DIAPH3: variants seen among roughly 807,000 people sequenced by gnomAD.
The protein encoded by DIAPH3 is diaphanous related formin 3.
DIAPH3 carries 117 observed loss-of-function variants against 144.3 expected under a neutral mutation model. The ratio of observed to expected loss-of-function variants is 0.81; its 90% CI spans 0.70 to 0.95. The LOEUF (loss-of-function observed/expected upper bound fraction) is 0.95, where lower values mean the gene tolerates loss of function less well. DIAPH3 is among the 40% of genes least tolerant of loss of function. The probability of loss-of-function intolerance (pLI) is 0.00; values close to 1 mark genes in which losing one functional copy is unlikely to be tolerated. For synonymous variants in DIAPH3, 519 were observed against 488.9 expected (o/e 1.06, Z -0.81); for missense variants, 1,421 against 1,412.7 (o/e 1.01, Z -0.09).
chr13:59,939,471 C>A (rs2048416478), intron 17 of DIAPH3, among the ~76,000 whole-genome samples: 1 of 152,222 alleles, frequency 6.6e-6, no homozygotes, highest in African/African-American at 2.4e-5. Context: ...AAAGCCAGGG[C>A]AGACTTTTAC....
chr13:59,875,537 A>AT (rs1382251610), intron 21 of DIAPH3, among the ~76,000 whole-genome samples: 1 of 152,028 alleles, frequency 6.6e-6, no homozygotes, highest in Admixed American at 6.6e-5. Context: ...CTAAAAAAAA[A>AT]ATCCTGACGA....
rs147739093 is a variant in DIAPH3 at position 59,760,295 on chromosome 13, T to G, written c.3319+13894A>C. ...TAAGAAAAAGTTATGAAATATGCTT[T>G]CCATCCAGTGATAAAATAGCACTTT... On this transcript the variant is annotated intron_variant, in intron 27 of 27. Coordinates refer to ENST00000400324, the MANE Select transcript of DIAPH3 (RefSeq NM_001042517.2). Among the ~76,000 whole-genome samples the G allele has an allele frequency of 2.7e-3, 416 of 152,362 alleles. 3 individuals carry two copies. Among genetic ancestry groups the G allele is most frequent in the African/African-American group, 9.5e-3 (396 of 41,596 alleles).
chr13:59,768,075 A>G (rs1390905456), intron 27 of DIAPH3, among the ~76,000 whole-genome samples: 1 of 152,200 alleles, frequency 6.6e-6, no homozygotes, highest in Non-Finnish European at 1.5e-5. Flanking sequence ...TGATGTTTGA[A>G]TAAACTGTGA....
At chr13:59,746,390 A>ATTTT (rs34815880) in intron 27 of DIAPH3, among the ~76,000 whole-genome samples, 1 of 145,520 alleles carries the variant, frequency 6.9e-6, no homozygotes, top group Admixed American at 6.9e-5. Flanking sequence ...TACCCAGCTA[A>ATTTT]TTTTTTTTTT....
chr13:59,835,156 T>C (rs1214120073), intron 23 of DIAPH3, among the ~76,000 whole-genome samples: 1 of 151,822 alleles, frequency 6.6e-6, no homozygotes, highest in Non-Finnish European at 1.5e-5. Flanking sequence ...GTCCTATGTG[T>C]CTAATATATT....
chr13:60,032,739 C>T (rs529893297), intron 5 of DIAPH3, among the ~76,000 whole-genome samples: 1 of 152,320 alleles, frequency 6.6e-6, no homozygotes, highest in East Asian at 1.9e-4. Flanking sequence ...TTTCCCTCAT[C>T]GTCTTAGACA....
At chr13:59,942,536 T>C (rs921093220) in intron 17 of DIAPH3, among the ~76,000 whole-genome samples, 9 of 152,154 alleles carry the variant, frequency 5.9e-5, no homozygotes, top group Non-Finnish European at 1.3e-4. Flanking sequence ...TTAAAGTTCA[T>C]TGTGAAACAA....
chr13:60,115,109 T>C (rs1039846278), intron 2 of DIAPH3, among the ~76,000 whole-genome samples: 1 of 152,198 alleles, frequency 6.6e-6, no homozygotes, highest in Non-Finnish European at 1.5e-5. Context: ...AAAATACATT[T>C]ACAATACTGT....
intron 4 of DIAPH3, among the ~76,000 whole-genome samples, chr13:60,082,136 G>C (rs1260227200): frequency 2.0e-5 from 3 of 150,970 alleles, no homozygotes; most frequent in African/African-American, 7.3e-5. Context: ...AATGCAGTGA[G>C]GGAATTCAAG....
intron 25 of DIAPH3, among the ~76,000 whole-genome samples, chr13:59,802,667 A>ATTGTTTTT (rs1433627853): frequency 4.2e-5 from 1 of 23,758 alleles, no homozygotes; most frequent in Non-Finnish European, 7.3e-5. Flanking sequence ...TATTATTATT[A>ATTGTTTTT]TTTTTTTTTT....
intron 3 of DIAPH3, among the ~76,000 whole-genome samples, chr13:60,105,811 C>CT (rs1370877108): frequency 6.6e-6 from 1 of 152,112 alleles, no homozygotes; most frequent in Non-Finnish European, 1.5e-5. Context: ...AAATAAGCTG[C>CT]TGGTAGGAAT....
intron 4 of DIAPH3, among the ~76,000 whole-genome samples, chr13:60,067,834 T>C (rs1365468307): frequency 2.0e-5 from 3 of 152,168 alleles, no homozygotes; most frequent in Non-Finnish European, 4.4e-5. Flanking sequence ...CTTCCCGTAA[T>C]AAAGTAATCC....
At chr13:59,742,431 T>G (rs975069657) in intron 27 of DIAPH3, among the ~76,000 whole-genome samples, 12 of 152,152 alleles carry the variant, frequency 7.9e-5, no homozygotes, top group African/African-American at 2.7e-4. Context: ...AGATTCTTCC[T>G]AATGTCTCTG....
At chr13:60,057,432 A>T (rs183008331) in intron 4 of DIAPH3, among the ~76,000 whole-genome samples, 16 of 152,076 alleles carry the variant, frequency 1.1e-4, no homozygotes, top group African/African-American at 3.6e-4. Flanking sequence ...CATGTTCCAG[A>T]ATTGGAAGAA....
At chr13:59,874,744 T>A (rs2044504371) in intron 21 of DIAPH3, among the ~76,000 whole-genome samples, 1 of 152,200 alleles carries the variant, frequency 6.6e-6, no homozygotes, top group Non-Finnish European at 1.5e-5. Context: ...CCAATAAAAA[T>A]TAGTTATTAC....
chr13:59,719,039 G>C (rs778682142), intron 27 of DIAPH3, among the ~76,000 whole-genome samples: 31 of 152,102 alleles, frequency 2.0e-4, no homozygotes, highest in Non-Finnish European at 4.0e-4. Context: ...CTCATGGTAT[G>C]CCTCTGATAA....
In DIAPH3 at chr13:59,806,772, C is replaced by T. The variant is rs141906151; in HGVS notation, c.3163+4016G>A. On this transcript the variant is annotated intron_variant, in intron 25 of 27. Transcript: ENST00000400324. ...AATAAAAAGTGGCCTTGCTATATTT[C>T]GTTTTTTACCAATAAAATAATAATA... is the stretch of plus-strand genomic sequence containing the variant. Among the ~76,000 whole-genome samples the T allele has an allele frequency of 2.0e-4, 31 of 151,826 alleles. No homozygotes were observed. In the East Asian group the frequency reaches 2.7e-3, roughly 13 times the overall value.
intron 24 of DIAPH3, among the ~76,000 whole-genome samples, chr13:59,823,252 T>C (rs1211491462): frequency 6.6e-6 from 1 of 152,174 alleles, no homozygotes; most frequent in African/African-American, 2.4e-5. Context: ...GTTTTTACTG[T>C]GAAGAACTTA....
chr13:60,102,788 A>T (rs367784518), intron 3 of DIAPH3, among the ~76,000 whole-genome samples: 1 of 152,206 alleles, frequency 6.6e-6, no homozygotes, highest in Admixed American at 6.5e-5. Context: ...CCTGCCAAGT[A>T]GTACCTGGTT....
Sources: gnomAD v4.1 joint callset for allele counts (sites outside exome capture counted in the v4.1 genomes callset) on GRCh38, gnomAD v4.1.1 for gene constraint, MANE v1.5 for transcripts, NCBI Gene and HGNC (gene_info 2026-07-23, HGNC 2026-07-21) for gene names.